Variants in ATXN7L1 observed in about 807,000 individuals in gnomAD.
ATXN7L1 encodes ataxin-7-like protein 1.
In ATXN7L1, 15 loss-of-function variants were observed where a neutral mutation model predicts 70.8. The observed-to-expected ratio is 0.21, with a 90% CI of 0.14 to 0.33. The LOEUF is 0.33. Among genes scored for constraint, ATXN7L1 ranks in the 10% least tolerant of loss-of-function variants. The pLI, the probability that ATXN7L1 is intolerant of heterozygous loss-of-function variation, is 1.00. For missense variants in ATXN7L1, 975 were observed against 1,097.1 expected (o/e 0.89, Z 1.57); for synonymous variants, 440 against 445.1 (o/e 0.99, Z 0.14).
At chr7:105,730,110 A>G (rs1231572346) in intron 3 of ATXN7L1, among the ~76,000 whole-genome samples, 5 of 152,174 alleles carry the variant, frequency 3.3e-5, no homozygotes, top group South Asian at 2.1e-4. Flanking sequence ...AAAGCAGGGC[A>G]GGAGAGGCTG....
intron 4 of ATXN7L1, among the ~76,000 whole-genome samples, chr7:105,656,563 T>C (rs541578929): frequency 8.9e-4 from 131 of 147,834 alleles, no homozygotes; most frequent in African/African-American, 3.2e-3. Flanking sequence ...TGTTTTCCCC[T>C]TTCTTCTTCT....
chr7:105,807,363 T>G (rs1477771076), intron 2 of ATXN7L1, among the ~76,000 whole-genome samples: 2 of 152,218 alleles, frequency 1.3e-5, no homozygotes, highest in Non-Finnish European at 1.5e-5. Flanking sequence ...CAAACTCCAC[T>G]GCACTTCCCT....
intron 4 of ATXN7L1, among the ~76,000 whole-genome samples, chr7:105,651,985 C>T (rs1307173541): frequency 6.6e-6 from 1 of 152,182 alleles, no homozygotes; most frequent in Non-Finnish European, 1.5e-5. Context: ...TTCTGTTATT[C>T]ATGGCTTCCC....
chr7:105,775,402 G>T (rs764027986), intron 3 of ATXN7L1, among the ~76,000 whole-genome samples: 2 of 152,210 alleles, frequency 1.3e-5, no homozygotes, highest in African/African-American at 2.4e-5. Context: ...TATCTTTAGA[G>T]ATTTGTAGCA....
At chr7:105,612,856 C>T (rs1413830056) in intron 10 of ATXN7L1, among the ~76,000 whole-genome samples, 3 of 152,220 alleles carry the variant, frequency 2.0e-5, no homozygotes, top group Non-Finnish European at 4.4e-5. Context: ...TTAACAACTG[C>T]CTCCCATTGC....
intron 3 of ATXN7L1, among the ~76,000 whole-genome samples, chr7:105,709,752 G>A (rs957165800): frequency 1.3e-5 from 2 of 152,114 alleles, no homozygotes; most frequent in African/African-American, 2.4e-5. Flanking sequence ...GCTTCCTCAT[G>A]TGGCTCTGAG....
chr7:105,814,190 C>T (rs1808849616), intron 2 of ATXN7L1, among the ~76,000 whole-genome samples: 1 of 152,232 alleles, frequency 6.6e-6, no homozygotes, highest in African/African-American at 2.4e-5. Flanking sequence ...CCAGTGTTTT[C>T]TCTTACTCGG....
chr7:105,692,909 A>T (rs975117299), intron 3 of ATXN7L1, among the ~76,000 whole-genome samples: 7 of 151,862 alleles, frequency 4.6e-5, no homozygotes, highest in Non-Finnish European at 8.8e-5. Flanking sequence ...TCTTTTGTAG[A>T]CACGGAGTCT....
chr7:105,777,142 T>G (rs1383744092), intron 3 of ATXN7L1, among the ~76,000 whole-genome samples: 1 of 152,164 alleles, frequency 6.6e-6, no homozygotes, highest in Non-Finnish European at 1.5e-5. Flanking sequence ...GTGTTCACAG[T>G]GACTCTTCTG....
chr7:105,733,353 G>C (rs544792642), intron 3 of ATXN7L1, among the ~76,000 whole-genome samples: 1 of 152,288 alleles, frequency 6.6e-6, no homozygotes, highest in East Asian at 1.9e-4. Flanking sequence ...TACATACAAA[G>C]TATATGCATA....
chr7:105,696,645 T>C lies in ATXN7L1; in HGVS notation c.356-31357A>G, dbSNP rs574045424. Among the ~76,000 whole-genome samples the C allele has an allele frequency of 8.5e-5, 13 of 152,344 alleles. No homozygotes were observed. In the East Asian group the frequency reaches 2.3e-3, roughly 27 times the overall value. ...GCGCTAATGGAGAGATGTGGAATAT[T>C]AGCAGGAATCTGTTGTAATTAGTAC... is the stretch of plus-strand genomic sequence containing the variant. On this transcript the variant is annotated intron_variant, in intron 3 of 11. Transcript: ENST00000419735.
At chr7:105,734,215 A>G (rs12669065) in intron 3 of ATXN7L1, among the ~76,000 whole-genome samples, 30,459 of 152,202 alleles carry the variant, frequency 0.2, 3,322 homozygotes, top group East Asian at 0.33. Context: ...GGAACGTCCA[A>G]TGAGATGATT....
intron 2 of ATXN7L1, among the ~76,000 whole-genome samples, chr7:105,807,795 G>T (rs1470075294): frequency 6.6e-6 from 1 of 152,204 alleles, no homozygotes; most frequent in Admixed American, 6.5e-5. Flanking sequence ...GACAGGTGAG[G>T]GAGGGCCTCT....
Position 105,624,081 on chromosome 7 carries a change from A to C in ATXN7L1, c.1389T>G (p.Pro463=), listed in dbSNP as rs1345178551. The change falls in exon 8 of 12, where the codon CCT becomes CCG. Residue 463 remains proline, a synonymous_variant. Coordinates refer to ENST00000419735, the MANE Select transcript of ATXN7L1 (RefSeq NM_020725.2). ...DCQFSTHHPR[P]LAFCSFGSRL... ...GGAACGGAAGGAGGCCTACCGCCAG[A>C]GGTCTGGGGTGGTGCGTGGAGAACT... 12 of 1,420,384 alleles carry C rather than the reference A, an allele frequency of 8.4e-6. No individual in the cohort carries two copies. In the East Asian group the frequency reaches 3.4e-4, roughly 40 times the overall value. The allele number at this position is 1,420,384 out of a possible 1,614,324, so 88.0% of individuals were successfully genotyped here. A position where few individuals can be genotyped will look rare whatever the true frequency, so the allele number is the denominator to read the frequency against.
intron 3 of ATXN7L1, among the ~76,000 whole-genome samples, chr7:105,673,261 A>G (rs1804055461): frequency 6.6e-6 from 1 of 152,246 alleles, no homozygotes; most frequent in South Asian, 2.1e-4. Context: ...AGTGTCCTGT[A>G]TTTAAAACCT....
intron 3 of ATXN7L1, among the ~76,000 whole-genome samples, chr7:105,743,198 G>T (rs1481473534): frequency 6.6e-6 from 1 of 152,144 alleles, no homozygotes; most frequent in Non-Finnish European, 1.5e-5. Context: ...AGGTACAGGG[G>T]ATCCACACGG....
At chr7:105,662,515 G>A (rs1801878313) in intron 4 of ATXN7L1, among the ~76,000 whole-genome samples, 1 of 152,130 alleles carries the variant, frequency 6.6e-6, no homozygotes, top group African/African-American at 2.4e-5. Context: ...TTGAACCAAT[G>A]GTCTCCCTGA....
At chr7:105,788,488 C>A (rs1804650413) in intron 3 of ATXN7L1, 116 bp downstream of exon 3, 3 of 839,390 alleles carry the variant, frequency 3.6e-6, no homozygotes, top group African/African-American at 3.4e-5. Context: ...AAGACTTTAC[C>A]CACAGCCTCA....
At chr7:105,719,145 G>A (rs1037847481) in intron 3 of ATXN7L1, among the ~76,000 whole-genome samples, 2 of 152,164 alleles carry the variant, frequency 1.3e-5, no homozygotes, top group African/African-American at 4.8e-5. Flanking sequence ...GTAAATGAAG[G>A]GAAGCAAAGG....
Sources: allele counts gnomAD v4.1 joint callset (sites outside exome capture counted in the v4.1 genomes callset), GRCh38; gene constraint gnomAD v4.1.1; transcripts MANE v1.5; gene names NCBI Gene and HGNC (gene_info 2026-07-23, HGNC 2026-07-21).